The following CMSS1 variants were observed in gnomAD, a reference collection of about 807,000 sequenced individuals.
CMSS1 encodes the protein protein CMSS1.
CMSS1 carries 33 observed loss-of-function variants against 43.5 expected under a neutral mutation model. That is an observed-to-expected ratio of 0.76 (90% CI 0.57 to 1.01). The LOEUF is 1.01. CMSS1 is among the 50% of genes least tolerant of loss of function. The pLI, the probability that CMSS1 is intolerant of heterozygous loss-of-function variation, is 0.00. For missense variants in CMSS1, 313 were observed against 326.4 expected, an observed-to-expected ratio of 0.96 and a Z score of 0.32; for synonymous variants, 115 against 117.2, an observed-to-expected ratio of 0.98 and a Z score of 0.12.
intron 1 of CMSS1, among the ~76,000 whole-genome samples, chr3:100,140,116 A>G (rs529649946): frequency 6.6e-6 from 1 of 152,330 alleles, no homozygotes; most frequent in East Asian, 1.9e-4. Context: ...TTAAGAAATA[A>G]TGATTGAAGC....
intron 1 of CMSS1, chr3:99,851,146 A>G: frequency 1.7e-6 from 2 of 1,167,472 alleles, no homozygotes; most frequent in Non-Finnish European, 2.4e-6. Flanking sequence ...ATATATATGT[A>G]ATTTAGAAAT....
chr3:99,894,387 A>G (rs1706184656), intron 1 of CMSS1, among the ~76,000 whole-genome samples: 1 of 152,158 alleles, frequency 6.6e-6, no homozygotes, highest in Non-Finnish European at 1.5e-5. Flanking sequence ...CCAGAGGTGG[A>G]TTCACTGGCC....
intron 1 of CMSS1, among the ~76,000 whole-genome samples, chr3:100,033,577 A>G (rs1489489949): frequency 6.6e-6 from 1 of 152,198 alleles, no homozygotes; most frequent in Non-Finnish European, 1.5e-5. Flanking sequence ...ACTGCCCCTC[A>G]ACTGCACTCT....
chr3:99,832,434 G>A (rs1315305476), intron 1 of CMSS1, among the ~76,000 whole-genome samples: 3 of 148,484 alleles, frequency 2.0e-5, no homozygotes, highest in Non-Finnish European at 4.5e-5. Flanking sequence ...GTTTCACTGT[G>A]TTAGCCAGGA....
At chr3:100,172,162 A>T (rs544699406) in intron 7 of CMSS1, 154 bp from the exon 8 acceptor site, 2 of 673,388 alleles carry the variant, frequency 3.0e-6, no homozygotes, top group Non-Finnish European at 5.1e-6. Flanking sequence ...TTTTCTAGGG[A>T]TATGCTCATC....
At chr3:100,158,358 T>C (rs1389437755) in intron 2 of CMSS1, among the ~76,000 whole-genome samples, 1 of 152,250 alleles carries the variant, frequency 6.6e-6, no homozygotes, top group African/African-American at 2.4e-5. Context: ...TTATCAACTG[T>C]CAAAGTCACA....
chr3:99,894,997 A>G (rs1335035542), intron 1 of CMSS1, among the ~76,000 whole-genome samples: 1 of 152,166 alleles, frequency 6.6e-6, no homozygotes, highest in Non-Finnish European at 1.5e-5. Context: ...TTCCAGGTGA[A>G]TACCTCCCTG....
At chr3:99,972,321 T>C (rs1182168236) in intron 1 of CMSS1, among the ~76,000 whole-genome samples, 1 of 152,212 alleles carries the variant, frequency 6.6e-6, no homozygotes, top group African/African-American at 2.4e-5. Flanking sequence ...GCCAGGGATT[T>C]GCATGTGGAA....
intron 1 of CMSS1, among the ~76,000 whole-genome samples, chr3:99,999,045 C>T (rs1273541489): frequency 2.0e-5 from 3 of 152,206 alleles, no homozygotes; most frequent in Non-Finnish European, 2.9e-5. Flanking sequence ...TTCCGTGCCT[C>T]CCATAGGCAC....
chr3:99,946,638 C>A (rs79377057), intron 1 of CMSS1, among the ~76,000 whole-genome samples: 2 of 152,286 alleles, frequency 1.3e-5, no homozygotes, highest in East Asian at 3.9e-4. Context: ...CTAACCCACT[C>A]TCTTCAGTAC....
At chr3:99,916,578 C>T (rs1167175014) in intron 1 of CMSS1, among the ~76,000 whole-genome samples, 1 of 151,928 alleles carries the variant, frequency 6.6e-6, no homozygotes, top group Non-Finnish European at 1.5e-5. Flanking sequence ...ACTTGCTGTG[C>T]ATTATATAAT....
chr3:99,999,567 G>C (rs1387726129), intron 1 of CMSS1, among the ~76,000 whole-genome samples: 1 of 152,184 alleles, frequency 6.6e-6, no homozygotes, highest in African/African-American at 2.4e-5. Flanking sequence ...CTTGCCTTGG[G>C]AACTTCTCCT....
rs765751724 is a variant in CMSS1 at position 100,179,775 on chromosome 3, C to T, written c.*1387C>T. On this transcript the variant is annotated 3_prime_UTR_variant, in exon 10 of 10. Transcript: ENST00000421999. The stretch of plus-strand genomic sequence containing the variant: ...TGATGGCTCTCTTCTCACAGCTCCA[C>T]TAGGCAGTGCCCCAGTGGGGACTCT... The T allele has an allele frequency of 2.6e-5, 4 of 152,438 alleles. No homozygotes were observed. The highest frequency in any genetic ancestry group is 3.1e-3 in the Middle Eastern group (1 of 318). The allele number at this position is 152,438 out of a possible 1,614,324, so 9.4% of individuals were successfully genotyped here. A position where few individuals can be genotyped will look rare whatever the true frequency, so the allele number is the denominator to read the frequency against.
At chr3:100,083,753 G>A (rs1207858915) in intron 1 of CMSS1, among the ~76,000 whole-genome samples, 4 of 152,034 alleles carry the variant, frequency 2.6e-5, no homozygotes, top group Admixed American at 6.6e-5. Flanking sequence ...TTGTTTGTTT[G>A]TTTAGAGAAG....
At chr3:99,986,748 A>G (rs2107115683) in intron 1 of CMSS1, among the ~76,000 whole-genome samples, 1 of 152,054 alleles carries the variant, frequency 6.6e-6, no homozygotes, top group East Asian at 1.9e-4. Context: ...CTTTTGCCCC[A>G]CCCCCAGGGG....
At chr3:99,998,054 A>G (rs190421791) in intron 1 of CMSS1, among the ~76,000 whole-genome samples, 6 of 152,366 alleles carry the variant, frequency 3.9e-5, no homozygotes, top group Admixed American at 2.0e-4. Context: ...AACACAAGTT[A>G]ACTAGTGTTT....
At chr3:99,838,477 G>A (rs1362577830) in intron 1 of CMSS1, among the ~76,000 whole-genome samples, 1 of 152,206 alleles carries the variant, frequency 6.6e-6, no homozygotes, top group East Asian at 1.9e-4. Context: ...GAGAAGTGGG[G>A]AGGAGAAAGC....
chr3:99,857,117 T>C (rs577128077), intron 1 of CMSS1, among the ~76,000 whole-genome samples: 3 of 152,328 alleles, frequency 2.0e-5, no homozygotes, highest in East Asian at 1.9e-4. Context: ...AATGAAAGAA[T>C]GAACAAATAC....
At chr3:99,922,250 A>G (rs1707148713) in intron 1 of CMSS1, among the ~76,000 whole-genome samples, 2 of 152,248 alleles carry the variant, frequency 1.3e-5, no homozygotes, top group African/African-American at 4.8e-5. Context: ...AAATGAGGCC[A>G]CTAGTGCCAA....
Sources: gnomAD v4.1 joint callset for allele counts (sites outside exome capture counted in the v4.1 genomes callset) on GRCh38, gnomAD v4.1.1 for gene constraint, MANE v1.5 for transcripts, NCBI Gene and HGNC (gene_info 2026-07-23, HGNC 2026-07-21) for gene names.